The following GRAMD2A variants were observed in gnomAD, a reference collection of about 807,000 sequenced individuals.
GRAMD2A encodes GRAM domain containing 2A, also known as GRAM domain-containing protein 2A.
In GRAMD2A, 37 loss-of-function variants were observed where a neutral mutation model predicts 51.1. The observed-to-expected ratio is 0.72, with a 90% CI of 0.56 to 0.95. The LOEUF is 0.95. GRAMD2A is among the 40% of genes least tolerant of loss of function. The pLI, the probability that GRAMD2A is intolerant of heterozygous loss-of-function variation, is 0.00. For synonymous variants in GRAMD2A, 136 were observed against 157.1 expected (o/e 0.87, Z 1.01); for missense variants, 414 against 426.9 (o/e 0.97, Z 0.27).
Position 72,161,627 on chromosome 15 carries a change from AGCATGG to A in GRAMD2A, c.*376_*381del. ...GGCAGAGCCACATTCCAAATGCGAA[AGCATGG>A]CCTCTGTCCTTTGAGGTGGCCTCCA... is the stretch of plus-strand genomic sequence containing the variant. On this transcript the variant is annotated 3_prime_UTR_variant, in exon 12 of 12. Transcript: ENST00000309731. 3.7e-6 allele frequency: 1 copy of A among 273,078 alleles called. No homozygotes were observed. Among genetic ancestry groups the A allele is most frequent in the Non-Finnish European group, 7.1e-6 (1 of 140,004 alleles). 16.9% of individuals were successfully genotyped at this position (273,078 alleles called of 1,614,324 possible). A position where few individuals can be genotyped will look rare whatever the true frequency, so the allele number is the denominator to read the frequency against.
At position 72,166,551 on chromosome 15, in the gene GRAMD2A, G is replaced by A. The variant is rs1466986187; in HGVS notation, c.543+81C>T. The A allele has an allele frequency of 7.9e-6, 8 of 1,013,550 alleles. No homozygotes were observed. The highest frequency in any genetic ancestry group is 1.3e-5 in the South Asian group (1 of 78,644). The allele number at this position is 1,013,550 out of a possible 1,614,324, so 62.8% of individuals were successfully genotyped here. On this transcript the variant is annotated intron_variant, in intron 7 of 11. Transcript: ENST00000309731. The surrounding 1 kb of genome is among the most constrained non-coding windows in gnomAD (Gnocchi z 4.1). ...CATTCCCTGTGCTGGAGAGATGGGC[G>A]ACCTCCCCCAACACCCTTGTGCAAG...
intron 1 of GRAMD2A, 115 bp downstream of exon 1, chr15:72,197,616 G>C: frequency 9.6e-6 from 8 of 835,892 alleles, no homozygotes; most frequent in Non-Finnish European, 1.2e-5. Context: ...CTGCCCCGTG[G>C]GCAGAACGCG....
chr15:72,167,079 A>G lies in GRAMD2A; in HGVS notation c.386T>C (p.Val129Ala). Reference protein sequence around the residue: ...FGKDIKVVIPVVSVQMIKKHK... With the variant: ...FGKDIKVVIPAVSVQMIKKHK... The stretch of plus-strand genomic sequence containing the variant: ...TTTTTTGATCATTTGCACAGACACC[A>G]CAGGAATGACCACCTGAGAGGGAGA... Residue 129 changes from valine (V) to alanine (A), a missense_variant, in exon 6 of 12, where the codon GTG becomes GCG. Val to Ala is a moderately conservative substitution (Grantham distance 64, BLOSUM62 0). Transcript: ENST00000309731. 6.2e-7 allele frequency: 1 copy of G among 1,613,412 alleles called. No homozygotes were observed. The highest frequency in any genetic ancestry group is 8.5e-7 in the Non-Finnish European group (1 of 1,179,330).
chr15:72,165,712 C>G (rs1244873967), intron 7 of GRAMD2A, among the ~76,000 whole-genome samples: 6 of 151,898 alleles, frequency 4.0e-5, no homozygotes, highest in Admixed American at 1.3e-4. Context: ...ATTAAGGAAG[C>G]ACAAGTGAGG....
intron 5 of GRAMD2A, among the ~76,000 whole-genome samples, 158 bp from the exon 6 acceptor site, chr15:72,167,250 C>A (rs534912557): frequency 4.1e-4 from 62 of 152,302 alleles, no homozygotes; most frequent in Non-Finnish European, 6.3e-4. Context: ...TTCATCCAGG[C>A]TCCCCTTCCA....
intron 1 of GRAMD2A, among the ~76,000 whole-genome samples, chr15:72,197,097 C>T (rs568016461): frequency 8.1e-4 from 123 of 152,252 alleles, no homozygotes; most frequent in Non-Finnish European, 1.4e-3. Flanking sequence ...TCTGCCCTGC[C>T]TCCTTATCCC....
At chr15:72,167,630 C>A (rs35713471) in intron 5 of GRAMD2A, 106 bp downstream of exon 5, 190,388 of 873,508 alleles carry the variant, frequency 0.22, 21,655 homozygotes, top group East Asian at 0.38. Context: ...GGGCTTCACC[C>A]GGGGCCCAGC....
In GRAMD2A at chr15:72,166,145, ACAGC is replaced by A. The variant is rs1406361459; in HGVS notation, c.543+483_543+486del. On this transcript the variant is annotated intron_variant, in intron 7 of 11. Transcript: ENST00000309731. This position sits in a 1 kb window ranked among gnomAD's most constrained non-coding sequence, Gnocchi z 4.1. ...CGGCCTCCCAAAGTGCTGGGACCAT[ACAGC>A]CATTGTTTTTCACATTCAGTACAGG... Among the ~76,000 whole-genome samples the A allele has an allele frequency of 2.0e-5, 3 of 152,238 alleles. No individual in the cohort carries two copies. The highest frequency in any genetic ancestry group is 4.4e-5 in the Non-Finnish European group (3 of 68,046).
At chr15:72,168,886 C>A (rs2081578217) in intron 3 of GRAMD2A, 53 bp downstream of exon 3, 2 of 1,533,434 alleles carry the variant, frequency 1.3e-6, no homozygotes, top group Middle Eastern at 1.7e-4. Flanking sequence ...TGAATTCTGG[C>A]AGCCCAGGAC....
chr15:72,190,900 C>A (rs1037913573), intron 1 of GRAMD2A, among the ~76,000 whole-genome samples: 1 of 152,106 alleles, frequency 6.6e-6, no homozygotes, highest in Non-Finnish European at 1.5e-5. Flanking sequence ...CAAAAAGGAG[C>A]CTAAAACATC....
chr15:72,162,440 C>T lies in GRAMD2A; in HGVS notation c.957-63G>A, dbSNP rs2081488900. 6 of 1,286,640 alleles carry T rather than the reference C, an allele frequency of 4.7e-6. No individual in the cohort carries two copies. In the South Asian group the frequency reaches 5.0e-5, roughly 11 times the overall value. The allele number at this position is 1,286,640 out of a possible 1,614,324, so 79.7% of individuals were successfully genotyped here. A position where few individuals can be genotyped will look rare whatever the true frequency, so the allele number is the denominator to read the frequency against. ...CACAGAAAGAGCATTTCTGGAAGTT[C>T]ACCGGAAATAGTGGGGACCAAGCTA... On this transcript the variant is annotated intron_variant, in intron 10 of 11. Coordinates refer to ENST00000309731, the MANE Select transcript of GRAMD2A (RefSeq NM_001012642.3).
chr15:72,168,560 G>C lies in GRAMD2A; in HGVS notation c.199C>G (p.Leu67Val). 1.2e-6 allele frequency: 2 copies of C among 1,613,426 alleles called. No individual in the cohort carries two copies. The highest frequency in any genetic ancestry group is 1.7e-6 in the Non-Finnish European group (2 of 1,179,480). ...IKKCGREGIT[L>V]NKYNQQYHKL... Reference sequence around the variant, plus strand: ...TGGTATTGCTGGTTGTATTTATTCAGTGTTATCTGCAAACACACAGGCTGC... The same window carrying C: ...TGGTATTGCTGGTTGTATTTATTCACTGTTATCTGCAAACACACAGGCTGC... Residue 67 changes from leucine to valine, a missense_variant, in exon 4 of 12, where the codon CTG becomes GTG. Transcript: ENST00000309731.
intron 1 of GRAMD2A, among the ~76,000 whole-genome samples, chr15:72,175,554 A>T (rs2081646626): frequency 6.6e-6 from 1 of 151,986 alleles, no homozygotes; most frequent in African/African-American, 2.4e-5. Flanking sequence ...TACCCTTCTC[A>T]TGCTTATCTA....
At chr15:72,193,365 C>T (rs538444465) in intron 1 of GRAMD2A, among the ~76,000 whole-genome samples, 113 of 151,160 alleles carry the variant, frequency 7.5e-4, no homozygotes, top group Non-Finnish European at 1.0e-4. Flanking sequence ...TACAGGTGCC[C>T]GCCACCACGC....
chr15:72,190,196 G>A (rs2081758585), intron 1 of GRAMD2A, among the ~76,000 whole-genome samples: 1 of 152,098 alleles, frequency 6.6e-6, no homozygotes, highest in Non-Finnish European at 1.5e-5. Flanking sequence ...CTAACATGGT[G>A]AAACCCCGTG....
At chr15:72,165,847 G>A (rs541715689) in intron 7 of GRAMD2A, among the ~76,000 whole-genome samples, 11 of 150,594 alleles carry the variant, frequency 7.3e-5, no homozygotes, top group African/African-American at 1.5e-4. Flanking sequence ...CAGCCATTCC[G>A]GTTTTCGTTT....
intron 1 of GRAMD2A, among the ~76,000 whole-genome samples, chr15:72,171,669 G>A (rs950646858): frequency 6.6e-6 from 1 of 152,030 alleles, no homozygotes. Flanking sequence ...GTGAAAATAC[G>A]TTGTCTTCAT....
chr15:72,167,914 T>G, intron 4 of GRAMD2A, 75 bp from the exon 5 acceptor site: 4 of 1,000,250 alleles, frequency 4.0e-6, no homozygotes, highest in Non-Finnish European at 4.8e-6. Context: ...GTCCTCACGT[T>G]CTGGAGTCCA....
intron 1 of GRAMD2A, among the ~76,000 whole-genome samples, chr15:72,174,194 G>A (rs1157669370): frequency 6.6e-6 from 1 of 152,124 alleles, no homozygotes; most frequent in Non-Finnish European, 1.5e-5. Flanking sequence ...TAAAGAAATG[G>A]GAGTAGTGCC....
Sources: gnomAD v4.1 joint callset for allele counts (sites outside exome capture counted in the v4.1 genomes callset) on GRCh38, gnomAD v4.1.1 for gene constraint, Gnocchi (gnomAD v3.1) non-coding constraint, MANE v1.5 for transcripts, NCBI Gene and HGNC (gene_info 2026-07-23, HGNC 2026-07-21) for gene names.